VSIG1: variants seen among roughly 807,000 people sequenced by gnomAD.
VSIG1 encodes the protein V-set and immunoglobulin domain containing 1, also known as V-set and immunoglobulin domain-containing protein 1.
In VSIG1, 11 loss-of-function variants were observed where a neutral mutation model predicts 20.1. The ratio of observed to expected loss-of-function variants is 0.55; its 90% CI spans 0.34 to 0.91. The LOEUF (loss-of-function observed/expected upper bound fraction) is 0.91. Among genes scored for constraint, VSIG1 ranks in the 40% least tolerant of loss-of-function variants. VSIG1 has a pLI of 0.02. For synonymous variants in VSIG1, 126 were observed against 116.7 expected, an observed-to-expected ratio of 1.08 and a Z score of -0.52; for missense variants, 283 against 298.8, an observed-to-expected ratio of 0.95 and a Z score of 0.39.
chrX:108,041,613 G>C (rs747837335), upstream of VSIG1, among the ~76,000 whole-genome samples: 156 of 108,687 alleles, frequency 1.4e-3, no homozygotes, highest in African/African-American at 5.1e-3. Flanking sequence ...CATAGAAAAA[G>C]GTCTGAGAAA....
intron 1 of VSIG1, among the ~76,000 whole-genome samples, chrX:108,047,959 C>CATATATATAT (rs1288556783): frequency 1.4e-4 from 2 of 14,808 alleles, no homozygotes; most frequent in Admixed American, 5.9e-4. Flanking sequence ...TATATACACA[C>CATATATATAT]ACATATATAT....
the VSIG1 span, among the ~76,000 whole-genome samples, chrX:108,024,962 C>A: frequency 1.5e-4 from 17 of 111,355 alleles, no homozygotes; most frequent in African/African-American, 4.9e-4. Context: ...TCTATTAGGT[C>A]AAAATGGCTC....
Position 108,078,359 on chromosome X carries a change from G to A in VSIG1, c.*978G>A, listed in dbSNP as rs2031391259. On this transcript the variant is annotated 3_prime_UTR_variant, in exon 7 of 7. Transcript: ENST00000217957. ...AACCCTAGCACTTTGGGAGGCCGAG[G>A]CAGGTGGATCACCTGAGGTCAGGAG... The A allele has an allele frequency of 8.9e-6, 1 of 112,096 alleles. No individual in the cohort carries two copies. The highest frequency in any genetic ancestry group is 3.8e-4 in the South Asian group (1 of 2,661). The allele number at this position is 112,096 out of a possible 1,213,427, so 9.2% of individuals were successfully genotyped here.
intron 1 of VSIG1, among the ~76,000 whole-genome samples, chrX:108,052,781 A>T (rs1367680568): frequency 1.8e-5 from 2 of 112,139 alleles, no homozygotes; most frequent in Non-Finnish European, 3.8e-5. Flanking sequence ...TAATTAAAAT[A>T]AAAATTAAGT....
At chrX:108,036,477 T>A in the VSIG1 span, among the ~76,000 whole-genome samples, 2 of 111,365 alleles carry the variant, frequency 1.8e-5, no homozygotes, top group Non-Finnish European at 3.8e-5. Flanking sequence ...TCAATGTACA[T>A]AATAGGTTGA....
At chrX:108,041,863 G>A (rs1399897233), upstream of VSIG1, among the ~76,000 whole-genome samples, 1 of 107,476 alleles carries the variant, frequency 9.3e-6, no homozygotes, top group Admixed American at 1.0e-4. Flanking sequence ...CAATCACACC[G>A]TGCCATTGTG....
At chrX:108,033,420 G>A in the VSIG1 span, among the ~76,000 whole-genome samples, 3 of 112,063 alleles carry the variant, frequency 2.7e-5, no homozygotes, top group Non-Finnish European at 3.8e-5. Context: ...TGGGTCTTTT[G>A]TGACCCTCCT....
the VSIG1 span, among the ~76,000 whole-genome samples, chrX:108,028,523 C>G: frequency 9.0e-6 from 1 of 111,003 alleles, no homozygotes; most frequent in East Asian, 2.8e-4. Flanking sequence ...GATTGAGAAG[C>G]TGAGAGAAGT....
At chrX:108,064,910 G>A (rs2031097776) in intron 2 of VSIG1, 1 of 212,638 alleles carries the variant, frequency 4.7e-6, no homozygotes, top group Admixed American at 9.3e-5. Context: ...CTGATGTATT[G>A]AACCTCCTTC....
chrX:108,045,594 G>A (rs1431876743), intron 1 of VSIG1, among the ~76,000 whole-genome samples: 2 of 112,518 alleles, frequency 1.8e-5, no homozygotes, highest in Admixed American at 9.4e-5. Flanking sequence ...GCCTGCCCTG[G>A]CTTACATATG....
intron 2 of VSIG1, chrX:108,061,540 G>T: frequency 1.7e-6 from 2 of 1,154,249 alleles, no homozygotes. Context: ...TCTGAGGTAA[G>T]AACACTTATT....
chrX:108,073,353 C>T lies in VSIG1; in HGVS notation c.672C>T (p.Ile224=), dbSNP rs745578688. The T allele has an allele frequency of 3.1e-5, 38 of 1,209,127 alleles. No individual in the cohort carries two copies. In the Admixed American group the frequency reaches 7.7e-4, roughly 24 times the overall value. The change falls in exon 5 of 7, where the codon ATC becomes ATT. Residue 224 remains isoleucine (I), a synonymous_variant. Transcript: ENST00000217957. Reference sequence around the variant, plus strand: ...GACTTGGCAATAGTTCCTGCGAAATCGATCTCACTTCTTCACGTGAGTTGA... The same window carrying T: ...GACTTGGCAATAGTTCCTGCGAAATTGATCTCACTTCTTCACGTGAGTTGA... ...INRLGNSSCE[I]DLTSSHPEVG...
In VSIG1 at chrX:108,072,811, G is replaced by A. The variant is rs150942663; in HGVS notation, c.547G>A (p.Val183Met). The change falls in exon 4 of 7, where the codon GTG becomes ATG. Residue 183 changes from valine to methionine, a missense_variant. Physicochemically the swap from Val to Met is conservative, Grantham distance 21 (BLOSUM62 1). Transcript: ENST00000217957. The part of the protein sequence containing the change: ...YWHKLEGRDI[V>M]PVKENFNPTT... Reference sequence around the variant, plus strand: ...GCATAAACTTGAGGGAAGAGACATCGTGCCAGTGAAAGAAAACTTCAGTAA... The same window carrying A: ...GCATAAACTTGAGGGAAGAGACATCATGCCAGTGAAAGAAAACTTCAGTAA... 4.2e-4 allele frequency: 507 copies of A among 1,208,643 alleles called. 2 individuals carry two copies. The Middle Eastern group carries it at 7.1e-3, about 17-fold the overall frequency.
chrX:108,021,843 T>C, the VSIG1 span, among the ~76,000 whole-genome samples: 1 of 112,214 alleles, frequency 8.9e-6, no homozygotes, highest in African/African-American at 3.2e-5. Flanking sequence ...CTTGGCACCC[T>C]TGTCAAAAAT....
intron 2 of VSIG1, among the ~76,000 whole-genome samples, chrX:108,064,355 A>G (rs978650500): frequency 2.7e-5 from 3 of 111,717 alleles, no homozygotes; most frequent in African/African-American, 6.5e-5. Flanking sequence ...GGCAAAATGT[A>G]TTAGACTACA....
chrX:108,035,003 A>G, the VSIG1 span, among the ~76,000 whole-genome samples: 9 of 112,502 alleles, frequency 8.0e-5, no homozygotes, highest in Non-Finnish European at 1.3e-4. Context: ...GCTTCTTATG[A>G]TTTAAACCCA....
chrX:108,057,434 G>A (rs1252373378), intron 1 of VSIG1, among the ~76,000 whole-genome samples: 1 of 112,240 alleles, frequency 8.9e-6, no homozygotes, highest in Non-Finnish European at 1.9e-5. Flanking sequence ...AGGTCGATAG[G>A]TTTTATCAAT....
chrX:108,072,440 A>G (rs1339731017), intron 3 of VSIG1, among the ~76,000 whole-genome samples: 1 of 110,756 alleles, frequency 9.0e-6, no homozygotes, highest in Admixed American at 9.6e-5. Context: ...TTTAGTAGAG[A>G]TGGTGTTTCA....
the VSIG1 span, among the ~76,000 whole-genome samples, chrX:108,036,713 G>A: frequency 7.2e-5 from 8 of 111,856 alleles, no homozygotes; most frequent in African/African-American, 2.6e-4. Flanking sequence ...CCTTCAATAC[G>A]CCCTTGAAAT....
Sources: allele counts gnomAD v4.1 joint callset (sites outside exome capture counted in the v4.1 genomes callset), GRCh38; gene constraint gnomAD v4.1.1; transcripts MANE v1.5; gene names NCBI Gene and HGNC (gene_info 2026-07-23, HGNC 2026-07-21).